Variants in COL11A1 observed in about 807,000 individuals in gnomAD.
COL11A1 encodes collagen alpha-1(XI) chain.
In COL11A1, 74 loss-of-function variants were observed where a neutral mutation model predicts 265.2. The ratio of observed to expected loss-of-function variants is 0.28; its 90% confidence interval spans 0.23 to 0.34. The LOEUF (loss-of-function observed/expected upper bound fraction) is 0.34, where lower values mean the gene tolerates loss of function less well. Ranked by LOEUF, COL11A1 falls within the 10% of genes least tolerant of loss-of-function variation. The pLI is 1.00. For missense variants in COL11A1, 2,165 were observed against 2,263.6 expected (o/e 0.96, Z 0.88); for synonymous variants, 816 against 727.6 (o/e 1.12, Z -1.96).
At chr1:103,007,410 G>A (rs1665721681) in intron 15 of COL11A1, among the ~76,000 whole-genome samples, 2 of 151,784 alleles carry the variant, frequency 1.3e-5, no homozygotes, top group South Asian at 4.2e-4. Flanking sequence ...ATATTACATA[G>A]GCCTTCATAT....
chr1:102,940,287 T>C (rs377527358), intron 43 of COL11A1, 40 bp downstream of exon 43: 4 of 1,516,982 alleles, frequency 2.6e-6, no homozygotes, highest in Non-Finnish European at 2.7e-6. Context: ...AAAATTAAGC[T>C]TTTTCACAGG....
Position 102,966,489 on chromosome 1 carries a change from G to A in COL11A1, c.2863-949C>T, listed in dbSNP as rs983514066. On this transcript the variant is annotated intron_variant, in intron 37 of 66. Transcript: ENST00000370096. The stretch of plus-strand genomic sequence containing the variant: ...AGTAGGTAAAGAGTCTGTAATTATT[G>A]CAATTGATGCTACAGGGAAAGAAAA... 4.6e-4 allele frequency among the ~76,000 whole-genome samples: 70 copies of A among 152,100 alleles called. 1 individual carries two copies. Among genetic ancestry groups the A allele is most frequent in the African/African-American group, 1.7e-3 (69 of 41,500 alleles).
intron 1 of COL11A1, among the ~76,000 whole-genome samples, chr1:103,087,034 T>TAA (rs1435279338): frequency 6.6e-6 from 1 of 152,220 alleles, no homozygotes; most frequent in Non-Finnish European, 1.5e-5. Context: ...GTGGGAAAGC[T>TAA]ATTCTTTATA....
Position 103,012,461 on chromosome 1 carries a change from C to G in COL11A1, c.1581G>C (p.Leu527=). 6.2e-7 allele frequency: 1 copy of G among 1,612,856 alleles called. No homozygotes were observed. The highest frequency in any genetic ancestry group is 1.7e-5 in the Admixed American group (1 of 60,000). The change falls in exon 14 of 67, where the codon CTG becomes CTC. Residue 527 remains leucine, a synonymous_variant. Transcript: ENST00000370096. ...QAILQQARIA[L]RGPPGPMGLT... ...GACCCATTGGGCCAGGTGGGCCTCTCAGAGCAATCTAGAAAACAAAATATA... is the reference window on the plus strand; with the variant it reads ...GACCCATTGGGCCAGGTGGGCCTCTGAGAGCAATCTAGAAAACAAAATATA...
Position 102,961,939 on chromosome 1 carries a change from TAAAG to T in COL11A1, c.3115-24_3115-21del. The T allele has an allele frequency of 1.9e-6, 3 of 1,608,492 alleles. No individual in the cohort carries two copies. Among genetic ancestry groups the T allele is most frequent in the Non-Finnish European group, 2.5e-6 (3 of 1,177,164 alleles). On this transcript the variant is annotated intron_variant, in intron 40 of 66. Coordinates refer to ENST00000370096, the MANE Select transcript of COL11A1 (RefSeq NM_001854.4). Reference sequence around the variant, plus strand: ...TGCACCCTGGGAAAAGTGAAAAAAATAAAGAAAATGAATCCATATGAATTGAATA... The same window carrying T: ...TGCACCCTGGGAAAAGTGAAAAAAATAAAATGAATCCATATGAATTGAATA...
intron 8 of COL11A1, among the ~76,000 whole-genome samples, chr1:103,022,451 C>G (rs1667170677): frequency 6.6e-6 from 1 of 152,038 alleles, no homozygotes; most frequent in African/African-American, 2.4e-5. Context: ...AGACTTGCTA[C>G]TTGGAATAAA....
chr1:103,055,451 A>T (rs1670171974), intron 4 of COL11A1, among the ~76,000 whole-genome samples: 1 of 152,202 alleles, frequency 6.6e-6, no homozygotes, highest in Non-Finnish European at 1.5e-5. Flanking sequence ...GAAAACATAT[A>T]ATGTTAATTT....
At position 102,979,419 on chromosome 1, in the gene COL11A1, G is replaced by T; in HGVS notation, c.2573C>A (p.Pro858His). ...CTCTCCATTGGCACCTGGAAACCCA[G>T]GGAATCCAGTGGAACCCTACAATAA... ...RQGPKGSTGFPGFPGANGEKG... is the reference protein window; with the variant it reads ...RQGPKGSTGFHGFPGANGEKG... Residue 858 changes from proline (P) to histidine (H), a missense_variant, in exon 32 of 67, where the codon CCT (proline) becomes CAT (histidine). Pro to His is a moderately conservative substitution (Grantham distance 77, BLOSUM62 -2). Coordinates refer to ENST00000370096, the MANE Select transcript of COL11A1 (RefSeq NM_001854.4). 6.2e-7 allele frequency: 1 copy of T among 1,608,872 alleles called. No homozygotes were observed. The highest frequency in any genetic ancestry group is 2.2e-5 in the East Asian group (1 of 44,842).
At chr1:103,012,506 C>T (rs759986986) in intron 13 of COL11A1, 37 bp from the exon 14 acceptor site, 2 of 1,497,904 alleles carry the variant, frequency 1.3e-6, no homozygotes, top group Non-Finnish European at 1.9e-6. Context: ...GTAATATTCT[C>T]CTGGAAGAGC....
At chr1:103,001,432 G>C (rs7523887) in intron 24 of COL11A1, 1 of 406,568 alleles carries the variant, frequency 2.5e-6, no homozygotes, top group Non-Finnish European at 4.3e-6. Flanking sequence ...CAGGGAAAAA[G>C]ACATGTGTTT....
chr1:102,883,163 T>C (rs764144144), intron 64 of COL11A1, 36 bp downstream of exon 64: 31 of 1,352,542 alleles, frequency 2.3e-5, no homozygotes, highest in Non-Finnish European at 3.2e-5. Flanking sequence ...TGGCAGGAAC[T>C]GTCAACATTC....
At chr1:102,958,917 C>T (rs1660626128) in intron 41 of COL11A1, among the ~76,000 whole-genome samples, 1 of 152,172 alleles carries the variant, frequency 6.6e-6, no homozygotes, top group African/African-American at 2.4e-5. Context: ...CTGTCATTCT[C>T]TCAAGGACAT....
rs544599662 is a variant in COL11A1, at chr1:103,002,702, G to T, written c.2043+45C>A. On this transcript the variant is annotated intron_variant, in intron 22 of 66. Transcript: ENST00000370096. Reference sequence around the variant, plus strand: ...TAACAACAAAAAATGGTTTCTTAGGGCTTATATTCAAATATGAGTTATTTT... The same window carrying T: ...TAACAACAAAAAATGGTTTCTTAGGTCTTATATTCAAATATGAGTTATTTT... The T allele has an allele frequency of 2.0e-6, 3 of 1,536,142 alleles. No individual in the cohort carries two copies. The East Asian group carries it at 6.7e-5, about 35-fold the overall frequency.
intron 54 of COL11A1, among the ~76,000 whole-genome samples, chr1:102,911,655 A>G (rs1654694567): frequency 6.6e-6 from 1 of 152,168 alleles, no homozygotes; most frequent in Non-Finnish European, 1.5e-5. Context: ...ATACCTATTT[A>G]TTTATATTTT....
chr1:103,053,191 A>G (rs1161914351), intron 4 of COL11A1, among the ~76,000 whole-genome samples: 1 of 152,218 alleles, frequency 6.6e-6, no homozygotes, highest in Admixed American at 6.5e-5. Context: ...GTAGCATCCT[A>G]TATAAACTGT....
intron 28 of COL11A1, among the ~76,000 whole-genome samples, chr1:102,994,011 T>A (rs541659709): frequency 6.6e-6 from 1 of 152,186 alleles, no homozygotes; most frequent in Non-Finnish European, 1.5e-5. Context: ...GTGAAATGCA[T>A]GGCCTTTTTC....
Position 102,946,902 on chromosome 1 carries a change from C to T in COL11A1, c.3223G>A (p.Gly1075Arg). 1 of 1,613,620 alleles carries T rather than the reference C, an allele frequency of 6.2e-7. No individual in the cohort carries two copies. Among genetic ancestry groups the T allele is most frequent in the Non-Finnish European group, 8.5e-7 (1 of 1,179,870 alleles). ...GGAGGACCCTGAGGTCCCGGGCGCC[C>T]TGGTAAACCAATTGGGCCAGCTGTA... ...AGTAGPIGLP[G>R]RPGPQGPPGP... Residue 1075 changes from glycine (G) to arginine (R), a missense_variant, in exon 42 of 67, where the codon GGG becomes AGG. Coordinates refer to ENST00000370096, the MANE Select transcript of COL11A1 (RefSeq NM_001854.4).
chr1:103,030,534 T>G (rs902941646), intron 5 of COL11A1, among the ~76,000 whole-genome samples: 2 of 151,320 alleles, frequency 1.3e-5, no homozygotes, highest in Non-Finnish European at 2.9e-5. Context: ...TTTAAAACTC[T>G]AAGTCTTAAA....
rs770480017 is a variant in COL11A1 at position 103,025,540 on chromosome 1, T to C, written c.971A>G (p.His324Arg). The change falls in exon 7 of 67, where the codon CAT (histidine) becomes CGT (arginine). Residue 324 changes from histidine (H) to arginine (R), a missense_variant. Transcript: ENST00000370096. ...MESYQTEAPR[H>R]VSGTNEPNPV... ...TATTACCTCATTTGTCCCAGAAACA[T>C]GCCTAGGAGCTTCTGTCTGGTAACT... 2 of 1,612,956 alleles carry C rather than the reference T, an allele frequency of 1.2e-6. No homozygotes were observed. The highest frequency in any genetic ancestry group is 4.5e-5 in the East Asian group (2 of 44,802).
Sources: allele counts gnomAD v4.1 joint callset (sites outside exome capture counted in the v4.1 genomes callset), GRCh38; gene constraint gnomAD v4.1.1; transcripts MANE v1.5; gene names NCBI Gene and HGNC (gene_info 2026-07-23, HGNC 2026-07-21).